Variants in PRRC2B observed in about 807,000 individuals in gnomAD.
The protein encoded by PRRC2B is protein PRRC2B.
PRRC2B carries 68 observed loss-of-function variants against 242.3 expected under a neutral mutation model. That is an observed-to-expected ratio of 0.28 (90% confidence interval 0.23 to 0.34). The LOEUF is 0.34. PRRC2B is among the 10% of genes least tolerant of loss of function. The pLI is 1.00. For synonymous variants in PRRC2B, 1,228 were observed against 1,173.6 expected (o/e 1.05, Z -0.95); for missense variants, 2,835 against 2,954.8 (o/e 0.96, Z 0.94).
chr9:131,397,478 T>A (rs1300435463), intron 1 of PRRC2B, among the ~76,000 whole-genome samples: 1 of 152,120 alleles, frequency 6.6e-6, no homozygotes, highest in Non-Finnish European at 1.5e-5. Flanking sequence ...ATTAATTTTT[T>A]TTTTCCTGTT....
chr9:131,464,891 A>C lies in PRRC2B; in HGVS notation c.1533A>C (p.Glu511Asp). 1 of 1,613,688 alleles carries C rather than the reference A, an allele frequency of 6.2e-7. No homozygotes were observed. Among genetic ancestry groups the C allele is most frequent in the South Asian group, 1.1e-5 (1 of 91,064 alleles). Residue 511 changes from glutamate to aspartate, a missense_variant, in exon 12 of 32, where the codon GAA (glutamate) becomes GAC (aspartate). Glu to Asp is a conservative substitution (Grantham distance 45). Around this residue, in one of 7 missense-constraint regions of PRRC2B, gnomAD observed 626 missense variants for 685.5 expected, o/e 0.91. Coordinates refer to ENST00000683519, the MANE Select transcript of PRRC2B (RefSeq NM_013318.4). ...EAVERARKRR[E>D]EEERRAREER... ...TGGAGCGAGCCCGAAAGCGCCGGGA[A>C]GAAGAGGAGCGCCGAGCCCGGGAGG...
At position 131,466,807 on chromosome 9, in the gene PRRC2B, C is replaced by CT. The variant is rs796137463; in HGVS notation, c.1721-745dup. 1.0e-3 allele frequency among the ~76,000 whole-genome samples: 144 copies of CT among 143,692 alleles called. 1 individual carries two copies. The highest frequency in any genetic ancestry group is 1.1e-3 in the African/African-American group (42 of 39,426). 94.3% of individuals were successfully genotyped at this position (143,692 alleles called of 152,430 possible). A position where few individuals can be genotyped will look rare whatever the true frequency, so the allele number is the denominator to read the frequency against. On this transcript the variant is annotated intron_variant, in intron 12 of 31. Transcript: ENST00000683519. ...GCTAATTTTTGTACTTTCTTTTTTT[C>CT]TTTTTTTTTTTGGAGACGGATTCTC...
chr9:131,485,112 C>G lies in PRRC2B; in HGVS notation c.5730C>G (p.Ala1910=). Reference sequence around the variant, plus strand: ...TGTCCATGCCACCCATGCCTGTGGCCTCTGTAGCACCTTCTGCTTCTATGC... The same window carrying G: ...TGTCCATGCCACCCATGCCTGTGGCGTCTGTAGCACCTTCTGCTTCTATGC... ...GGVSMPPMPV[A]SVAPSASMPG... is the part of the protein sequence containing the mutation. The change falls in exon 25 of 32, where the codon GCC becomes GCG. Residue 1910 remains alanine, a synonymous_variant. Transcript: ENST00000683519. The G allele has an allele frequency of 6.3e-7, 1 of 1,597,084 alleles. No homozygotes were observed. Among genetic ancestry groups the G allele is most frequent in the Non-Finnish European group, 8.5e-7 (1 of 1,170,862 alleles).
chr9:131,494,365 C>A lies in PRRC2B; in HGVS notation c.6474-40C>A. The A allele has an allele frequency of 9.3e-7, 1 of 1,069,572 alleles. No homozygotes were observed. The allele number at this position is 1,069,572 out of a possible 1,614,324, so 66.3% of individuals were successfully genotyped here. A position where few individuals can be genotyped will look rare whatever the true frequency, so the allele number is the denominator to read the frequency against. ...GGCTTTGACTCCATTTCTGTGGTGA[C>A]ACGTTGTGTATTCTCAACCCCTGCC... On this transcript the variant is annotated intron_variant, in intron 30 of 31. Transcript: ENST00000683519. This position sits in a 1 kb window ranked among gnomAD's most constrained non-coding sequence, Gnocchi z 4.3.
chr9:131,395,214 C>G (rs538870595), intron 1 of PRRC2B, among the ~76,000 whole-genome samples: 2 of 151,960 alleles, frequency 1.3e-5, no homozygotes, highest in African/African-American at 4.8e-5. Context: ...AAATGGCTTC[C>G]TGGGAGAAAT....
At position 131,484,553 on chromosome 9, in the gene PRRC2B, A is replaced by G. The variant is rs540055075; in HGVS notation, c.5461-133A>G. 11 of 651,098 alleles carry G rather than the reference A, an allele frequency of 1.7e-5. No individual in the cohort carries two copies. In the South Asian group the frequency reaches 2.3e-4, roughly 14 times the overall value. The allele number at this position is 651,098 out of a possible 1,614,324, so 40.3% of individuals were successfully genotyped here. On this transcript the variant is annotated intron_variant, in intron 23 of 31. Coordinates refer to ENST00000683519, the MANE Select transcript of PRRC2B (RefSeq NM_013318.4). ...GCTGTAGGTGCTTTTGGGAAAAGCC[A>G]TGGATGGGTTTGGGCAAGTCATAGA...
intron 1 of PRRC2B, among the ~76,000 whole-genome samples, chr9:131,386,004 T>C (rs1836822458): frequency 6.7e-6 from 1 of 150,334 alleles, no homozygotes; most frequent in African/African-American, 2.4e-5. Context: ...TCATTCTTAT[T>C]GTTGTCATCT....
At chr9:131,377,162 C>T (rs1189300005) in intron 1 of PRRC2B, among the ~76,000 whole-genome samples, 1 of 152,058 alleles carries the variant, frequency 6.6e-6, no homozygotes, top group Non-Finnish European at 1.5e-5. Flanking sequence ...GTCACCAGGC[C>T]GGAGTGCAGT....
chr9:131,387,016 T>G (rs1177673952), intron 1 of PRRC2B, among the ~76,000 whole-genome samples: 2 of 149,672 alleles, frequency 1.3e-5, no homozygotes, highest in Non-Finnish European at 3.0e-5. Flanking sequence ...CTTTCTTTCT[T>G]TTTTGAGACA....
intron 24 of PRRC2B, 36 bp from the exon 25 acceptor site, chr9:131,484,912 T>C: frequency 6.3e-7 from 1 of 1,591,496 alleles, no homozygotes; most frequent in Non-Finnish European, 8.6e-7. Context: ...AGCGTGATAG[T>C]AATTTTCATC....
At position 131,483,423 on chromosome 9, in the gene PRRC2B, T is replaced by C. The variant is rs768892868; in HGVS notation, c.5438T>C (p.Leu1813Pro). The change falls in exon 23 of 32, where the codon CTT becomes CCT. Residue 1813 changes from leucine (L) to proline (P), a missense_variant. By Grantham distance (98) the Leu-to-Pro change is moderately conservative. Transcript: ENST00000683519. ...SGPTGSPVVK[L>P]QDALASNAGL... is the part of the protein sequence containing the mutation. ...CCTACTGGGAGTCCAGTTGTTAAAC[T>C]TCAGGATGCCTTGGCCAGTAATGTA... The C allele has an allele frequency of 6.2e-7, 1 of 1,613,926 alleles. No individual in the cohort carries two copies. Among genetic ancestry groups the C allele is most frequent in the East Asian group, 2.2e-5 (1 of 44,882 alleles).
rs1293170184 is a variant in PRRC2B at position 131,498,387 on chromosome 9, G to A, written c.*2513G>A. 1 of 152,248 alleles carries A rather than the reference G, an allele frequency of 6.6e-6. No individual in the cohort carries two copies. Among genetic ancestry groups the A allele is most frequent in the African/African-American group, 2.4e-5 (1 of 41,466 alleles). 9.4% of individuals were successfully genotyped at this position (152,248 alleles called of 1,614,324 possible). A position where few individuals can be genotyped will look rare whatever the true frequency, so the allele number is the denominator to read the frequency against. ...AGTTCGGTGCAGTCACCACCTGTGT[G>A]TGACCTGAGCTGCAGTCTCTTCGCT... is the stretch of plus-strand genomic sequence containing the variant. On this transcript the variant is annotated 3_prime_UTR_variant, in exon 32 of 32. Coordinates refer to ENST00000683519, the MANE Select transcript of PRRC2B (RefSeq NM_013318.4).
chr9:131,470,827 C>A lies in PRRC2B; in HGVS notation c.1951C>A (p.Pro651Thr). The A allele has an allele frequency of 6.2e-7, 1 of 1,612,078 alleles. No homozygotes were observed. The highest frequency in any genetic ancestry group is 1.3e-5 in the African/African-American group (1 of 74,898). The change falls in exon 14 of 32, where the codon CCC becomes ACC. Residue 651 changes from proline (P) to threonine (T), a missense_variant. Physicochemically the swap from Pro to Thr is conservative, Grantham distance 38. Transcript: ENST00000683519. ...YKMQHWQPVY[P>T]PPSHPQRTFY... is the part of the protein sequence containing the mutation. The stretch of plus-strand genomic sequence containing the variant: ...GATGCAGCACTGGCAGCCGGTGTAC[C>A]CCCCGCCGTCCCACCCCCAGCGCAC...
At chr9:131,393,799 C>G (rs948466459), upstream of PRRC2B, among the ~76,000 whole-genome samples, 4 of 151,802 alleles carry the variant, frequency 2.6e-5, no homozygotes, top group Non-Finnish European at 5.9e-5. Context: ...TCCGGGTCTC[C>G]TCCCCGATCC....
At chr9:131,467,445 T>C (rs1037642050) in intron 12 of PRRC2B, 118 bp from the exon 13 acceptor site, 3 of 889,994 alleles carry the variant, frequency 3.4e-6, no homozygotes, top group Non-Finnish European at 5.1e-6. Context: ...TTCAGGGACG[T>C]GACTGTTCTA....
chr9:131,426,438 A>G (rs1194034948), intron 1 of PRRC2B, among the ~76,000 whole-genome samples: 1 of 152,098 alleles, frequency 6.6e-6, no homozygotes, highest in Non-Finnish European at 1.5e-5. Flanking sequence ...TTCTTGAGAC[A>G]GGATCTCGCT....
chr9:131,403,027 AG>A (rs1837266770), intron 1 of PRRC2B, among the ~76,000 whole-genome samples: 1 of 152,350 alleles, frequency 6.6e-6, no homozygotes, highest in African/African-American at 2.4e-5. Flanking sequence ...TACTGGAAAA[AG>A]GAGGTCATCT....
At chr9:131,493,696 T>C (rs1217500898) in intron 30 of PRRC2B, among the ~76,000 whole-genome samples, 5 of 152,166 alleles carry the variant, frequency 3.3e-5, no homozygotes, top group East Asian at 1.9e-4. Flanking sequence ...GTTCTGGAAA[T>C]AGAGCTGCTG....
intron 1 of PRRC2B, among the ~76,000 whole-genome samples, chr9:131,408,062 T>G (rs1163884512): frequency 6.6e-6 from 1 of 152,214 alleles, no homozygotes; most frequent in African/African-American, 2.4e-5. Context: ...ATCCGCCTCC[T>G]GCAGCTGAAC....
Sources: gnomAD v4.1 joint callset for allele counts (sites outside exome capture counted in the v4.1 genomes callset) on GRCh38, gnomAD v4.1.1 for gene constraint, gnomAD v4.1.1 regional missense constraint, Gnocchi (gnomAD v3.1) non-coding constraint, MANE v1.5 for transcripts, NCBI Gene and HGNC (gene_info 2026-07-23, HGNC 2026-07-21) for gene names.